PKHD1: variants seen among roughly 807,000 people sequenced by gnomAD.
PKHD1 encodes PKHD1 ciliary IPT domain containing fibrocystin/polyductin.
Under a neutral mutation model 412.0 loss-of-function variants are expected in PKHD1, and 291 were observed. The observed-to-expected ratio is 0.71, with a 90% CI of 0.64 to 0.78. The LOEUF is 0.78. Ranked by LOEUF, PKHD1 falls within the 30% of genes least tolerant of loss-of-function variation. The probability of loss-of-function intolerance (pLI) is 0.00; values close to 1 mark genes in which losing one functional copy is unlikely to be tolerated. For synonymous variants in PKHD1, 1,777 were observed against 1,821.5 expected (o/e 0.98, Z 0.62); for missense variants, 4,825 against 4,950.7 (o/e 0.97, Z 0.76).
At chr6:51,724,512 C>T (rs1478819773) in intron 60 of PKHD1, among the ~76,000 whole-genome samples, 1 of 152,144 alleles carries the variant, frequency 6.6e-6, no homozygotes, top group East Asian at 1.9e-4. Context: ...GTCAGCTCAC[C>T]TCAGTAGACT....
intron 55 of PKHD1, among the ~76,000 whole-genome samples, chr6:51,763,922 A>G (rs1275534895): frequency 1.3e-5 from 2 of 151,348 alleles, no homozygotes; most frequent in Admixed American, 6.6e-5. Context: ...CAGCTTCACA[A>G]TGCTCTTAGG....
At chr6:51,658,275 C>T (rs1301499591) in intron 61 of PKHD1, among the ~76,000 whole-genome samples, 1 of 152,062 alleles carries the variant, frequency 6.6e-6, no homozygotes, top group Non-Finnish European at 1.5e-5. Flanking sequence ...TTTTTCTCAT[C>T]CTCTTTATAT....
At chr6:51,713,443 T>C (rs1470202451) in intron 60 of PKHD1, among the ~76,000 whole-genome samples, 2 of 152,186 alleles carry the variant, frequency 1.3e-5, no homozygotes, top group Admixed American at 6.5e-5. Context: ...CTCTACTCAC[T>C]ATGAAGCCTC....
chr6:51,954,721 C>T (rs904773308), intron 36 of PKHD1, among the ~76,000 whole-genome samples: 1 of 138,080 alleles, frequency 7.2e-6, no homozygotes, highest in African/African-American at 2.8e-5. Flanking sequence ...ATATCAATCA[C>T]TTCACAGTTA....
chr6:51,990,479 C>A (rs748756037), intron 35 of PKHD1, among the ~76,000 whole-genome samples: 5 of 152,134 alleles, frequency 3.3e-5, no homozygotes, highest in Non-Finnish European at 5.9e-5. Flanking sequence ...TAAGTGAAGC[C>A]CCTCCCGTGT....
chr6:51,651,804 C>T (rs1315958233), intron 61 of PKHD1, among the ~76,000 whole-genome samples: 4 of 151,996 alleles, frequency 2.6e-5, no homozygotes, highest in Admixed American at 6.6e-5. Flanking sequence ...ATAATCTAGG[C>T]GTTATTGGGT....
In PKHD1 at chr6:51,619,495, G is replaced by T. The variant is rs779069598; in HGVS notation, c.11811C>A (p.Gly3937=). ...ACTGGTGGGGGCACTGGTTCACCTTGCCCAGCATGACCTTCATTCTCATAT... is the reference window on the plus strand; with the variant it reads ...ACTGGTGGGGGCACTGGTTCACCTTTCCCAGCATGACCTTCATTCTCATAT... ...GEDMRMKVML[G]KVNQCPHQLM... Residue 3937 remains glycine (G), a synonymous_variant, in exon 67 of 67, where the codon GGC becomes GGA. Transcript: ENST00000371117. 1.9e-6 allele frequency: 3 copies of T among 1,613,930 alleles called. No individual in the cohort carries two copies. Among genetic ancestry groups the T allele is most frequent in the Admixed American group, 3.3e-5 (2 of 60,002 alleles).
intron 60 of PKHD1, among the ~76,000 whole-genome samples, chr6:51,691,543 A>G (rs1295777269): frequency 2.0e-5 from 3 of 152,190 alleles, no homozygotes; most frequent in Non-Finnish European, 4.4e-5. Flanking sequence ...TCCTTAGCAA[A>G]CTAACATGAG....
chr6:51,957,355 C>T (rs1791302295), intron 36 of PKHD1, among the ~76,000 whole-genome samples: 1 of 152,100 alleles, frequency 6.6e-6, no homozygotes, highest in Non-Finnish European at 1.5e-5. Flanking sequence ...TCTTCTATCT[C>T]ATGGTAAGCC....
At position 51,865,018 on chromosome 6, in the gene PKHD1, A is replaced by G. The variant is rs150035380; in HGVS notation, c.7733+2845T>C. ...TTTATAATTATGGGACCCTGGAGAA[A>G]AACTGTCACTGGCATGTGTTTCTGA... On this transcript the variant is annotated intron_variant, in intron 48 of 66. Coordinates refer to ENST00000371117, the MANE Select transcript of PKHD1 (RefSeq NM_138694.4). Among the ~76,000 whole-genome samples the G allele has an allele frequency of 8.9e-3, 1,356 of 152,282 alleles. 15 individuals carry two copies. The highest frequency in any genetic ancestry group is 0.014 in the Non-Finnish European group (948 of 68,012).
At position 51,763,303 on chromosome 6, in the gene PKHD1, C is replaced by T. The variant is rs542002282; in HGVS notation, c.8643-8365G>A. Among the ~76,000 whole-genome samples, 6 of 152,086 alleles carry T rather than the reference C, an allele frequency of 3.9e-5. No individual in the cohort carries two copies. In the South Asian group the frequency reaches 8.3e-4, roughly 21 times the overall value. ...TGTATGTAAAATGCTTAGTAGAGGC[C>T]TGACATATAACAAGCTTACATGATA... On this transcript the variant is annotated intron_variant, in intron 55 of 66. Coordinates refer to ENST00000371117, the MANE Select transcript of PKHD1 (RefSeq NM_138694.4).
chr6:52,039,934 A>G (rs1804572248), intron 27 of PKHD1, among the ~76,000 whole-genome samples: 1 of 152,224 alleles, frequency 6.6e-6, no homozygotes, highest in South Asian at 2.1e-4. Flanking sequence ...AAAATTGAAT[A>G]AAGTACTGAT....
intron 35 of PKHD1, among the ~76,000 whole-genome samples, chr6:51,985,596 G>T (rs1249407061): frequency 3.9e-5 from 6 of 152,166 alleles, no homozygotes; most frequent in Non-Finnish European, 5.9e-5. Context: ...AGGCATGGTG[G>T]CAGATGCCTG....
At chr6:52,041,279 T>G (rs895579816) in intron 27 of PKHD1, among the ~76,000 whole-genome samples, 2 of 152,240 alleles carry the variant, frequency 1.3e-5, no homozygotes, top group Admixed American at 1.3e-4. Flanking sequence ...CAGAGCATCA[T>G]TTCTCAAACT....
chr6:52,029,485 A>C (rs1802723754), intron 29 of PKHD1, among the ~76,000 whole-genome samples: 1 of 152,228 alleles, frequency 6.6e-6, no homozygotes, highest in South Asian at 2.1e-4. Flanking sequence ...GATATACTAC[A>C]AGAGAGGTGG....
intron 48 of PKHD1, among the ~76,000 whole-genome samples, chr6:51,864,987 G>C (rs527253971): frequency 6.6e-6 from 1 of 152,094 alleles, no homozygotes; most frequent in African/African-American, 2.4e-5. Flanking sequence ...GAACTATGTG[G>C]GACATTTTAT....
rs1485215225 is a variant in PKHD1 at position 51,807,475 on chromosome 6, ATATATG to A, written c.8303-16108_8303-16103del. Among the ~76,000 whole-genome samples, 71 of 111,550 alleles carry A rather than the reference ATATATG, an allele frequency of 6.4e-4. 1 individual carries two copies. The highest frequency in any genetic ancestry group is 2.4e-3 in the African/African-American group (58 of 24,120). 73.2% of individuals were successfully genotyped at this position (111,550 alleles called of 152,430 possible). A position where few individuals can be genotyped will look rare whatever the true frequency, so the allele number is the denominator to read the frequency against. On this transcript the variant is annotated intron_variant, in intron 52 of 66. Coordinates refer to ENST00000371117, the MANE Select transcript of PKHD1 (RefSeq NM_138694.4). ...AAAAAAAAAATATATATATATATAT[ATATATG>A]TATATGTGTGTGTGTGTGTGTGTGT...
At chr6:51,865,368 G>C (rs1220072982) in intron 48 of PKHD1, among the ~76,000 whole-genome samples, 3 of 152,134 alleles carry the variant, frequency 2.0e-5, no homozygotes, top group African/African-American at 7.2e-5. Flanking sequence ...CCAACTGCTG[G>C]CTTTGAGTCA....
At chr6:51,638,749 T>C (rs1768919310) in intron 64 of PKHD1, 100 bp downstream of exon 64, 2 of 771,324 alleles carry the variant, frequency 2.6e-6, no homozygotes. Flanking sequence ...GATGACCTCT[T>C]ATTCATGATA....
Sources: gnomAD v4.1 joint callset for allele counts (sites outside exome capture counted in the v4.1 genomes callset) on GRCh38, gnomAD v4.1.1 for gene constraint, MANE v1.5 for transcripts, NCBI Gene and HGNC (gene_info 2026-07-23, HGNC 2026-07-21) for gene names.